Variants in CDC42BPA observed in about 807,000 individuals in gnomAD.
CDC42BPA encodes CDC42 binding protein kinase alpha, also known as serine/threonine-protein kinase MRCK alpha.
In CDC42BPA, 80 loss-of-function variants were observed where a neutral mutation model predicts 223.5. That is an observed-to-expected ratio of 0.36 (90% CI 0.30 to 0.43). The LOEUF (loss-of-function observed/expected upper bound fraction) is 0.43. CDC42BPA is among the 20% of genes least tolerant of loss of function. CDC42BPA has a pLI of 1.00. For missense variants in CDC42BPA, 1,743 were observed against 2,099.9 expected (o/e 0.83, Z 3.32); for synonymous variants, 694 against 718.6 (o/e 0.97, Z 0.55).
chr1:227,167,135 A>G (rs1185315673), intron 5 of CDC42BPA, among the ~76,000 whole-genome samples: 1 of 152,198 alleles, frequency 6.6e-6, no homozygotes, highest in African/African-American at 2.4e-5. Context: ...GGCCTCCTAG[A>G]AAATGTTTTG....
chr1:227,096,896 C>T (rs1412185080), intron 15 of CDC42BPA, among the ~76,000 whole-genome samples: 1 of 152,114 alleles, frequency 6.6e-6, no homozygotes, highest in Non-Finnish European at 1.5e-5. Flanking sequence ...CTGACATCTC[C>T]ACAAAGATGT....
In CDC42BPA at chr1:227,204,309, T is replaced by A. The variant is rs139949288; in HGVS notation, c.355-4657A>T. The stretch of plus-strand genomic sequence containing the variant: ...TTTAACTTATTTTTCAGTAAAAAGT[T>A]TTAAATGTAATTTTAAATATAGAAA... On this transcript the variant is annotated intron_variant, in intron 3 of 36. Transcript: ENST00000366766. Among the ~76,000 whole-genome samples the A allele has an allele frequency of 4.7e-3, 712 of 152,302 alleles. 17 individuals are homozygous for A. Among genetic ancestry groups the A allele is most frequent in the Admixed American group, 0.037 (566 of 15,280 alleles).
intron 25 of CDC42BPA, 134 bp from the exon 26 acceptor site, chr1:227,034,928 A>AATT: frequency 1.5e-6 from 1 of 688,922 alleles, no homozygotes; most frequent in Non-Finnish European, 2.3e-6. Context: ...CTGGTTGGTA[A>AATT]AGTAGCAGAT....
At chr1:227,196,486 C>A (rs1240680969) in intron 4 of CDC42BPA, among the ~76,000 whole-genome samples, 1 of 151,608 alleles carries the variant, frequency 6.6e-6, no homozygotes, top group Admixed American at 6.6e-5. Flanking sequence ...ACTACAGGCG[C>A]CCACCACCAC....
chr1:227,228,656 T>A (rs1272474102), intron 2 of CDC42BPA, among the ~76,000 whole-genome samples: 1 of 145,840 alleles, frequency 6.9e-6, no homozygotes, highest in Non-Finnish European at 1.5e-5. Context: ...CAGCAATGCA[T>A]AAGCTTTCCA....
At chr1:227,032,242 T>C (rs1669420533) in intron 27 of CDC42BPA, among the ~76,000 whole-genome samples, 1 of 152,218 alleles carries the variant, frequency 6.6e-6, no homozygotes, top group South Asian at 2.1e-4. Context: ...CCTTATTAAG[T>C]AGCAGTGACA....
chr1:227,153,976 C>A (rs1049643542), intron 6 of CDC42BPA, among the ~76,000 whole-genome samples: 1 of 151,806 alleles, frequency 6.6e-6, no homozygotes, highest in Non-Finnish European at 1.5e-5. Flanking sequence ...AAATTATACT[C>A]CAGTCTGAGA....
rs1041832410 is a variant in CDC42BPA at position 227,096,736 on chromosome 1, C to T, written c.2249+4256G>A. On this transcript the variant is annotated intron_variant, in intron 15 of 36. Transcript: ENST00000366766. ...TCCATCCTTCCTGTAAATATCAATG[C>T]TCCTCAGTATTCTGTCTTAGGTGCT... 3.9e-5 allele frequency among the ~76,000 whole-genome samples: 6 copies of T among 152,324 alleles called. No homozygotes were observed. In the East Asian group the frequency reaches 5.8e-4, roughly 15 times the overall value.
rs1694655705 is a variant in CDC42BPA at position 227,317,907 on chromosome 1, T to C, written c.-725A>G. The C allele has an allele frequency of 2.5e-6, 1 of 398,496 alleles. No homozygotes were observed. The highest frequency in any genetic ancestry group is 4.4e-6 in the Non-Finnish European group (1 of 226,048). The allele number at this position is 398,496 out of a possible 1,614,324, so 24.7% of individuals were successfully genotyped here. A position where few individuals can be genotyped will look rare whatever the true frequency, so the allele number is the denominator to read the frequency against. ...CAGTCCTATTTTCAACGGATTCCGGTGAAAACTCTTCATTTTCCTCCCGGC... is the reference window on the plus strand; with the variant it reads ...CAGTCCTATTTTCAACGGATTCCGGCGAAAACTCTTCATTTTCCTCCCGGC... On this transcript the variant is annotated 5_prime_UTR_variant, in exon 1 of 37. Coordinates refer to ENST00000366766, the MANE Select transcript of CDC42BPA (RefSeq NM_001394014.1).
At chr1:227,102,346 T>A (rs981560904) in intron 14 of CDC42BPA, among the ~76,000 whole-genome samples, 9 of 152,102 alleles carry the variant, frequency 5.9e-5, no homozygotes, top group African/African-American at 2.2e-4. Flanking sequence ...GTCCAATGGT[T>A]TATGAGGCAG....
chr1:227,100,976 A>C lies in CDC42BPA; in HGVS notation c.2249+16T>G. On this transcript the variant is annotated intron_variant, in intron 15 of 36. Transcript: ENST00000366766. ...TCAGTAAGTATTTACTGTATAGTAA[A>C]TAATGTGATTCTTACCTTTCTCTTC... is the stretch of plus-strand genomic sequence containing the variant. 1.4e-6 allele frequency: 2 copies of C among 1,404,116 alleles called. No homozygotes were observed. The highest frequency in any genetic ancestry group is 2.0e-6 in the Non-Finnish European group (2 of 1,002,794). The allele number at this position is 1,404,116 out of a possible 1,614,324, so 87.0% of individuals were successfully genotyped here. A position where few individuals can be genotyped will look rare whatever the true frequency, so the allele number is the denominator to read the frequency against.
chr1:227,015,733 C>T (rs377286777), intron 34 of CDC42BPA, among the ~76,000 whole-genome samples: 20 of 152,048 alleles, frequency 1.3e-4, no homozygotes, highest in Middle Eastern at 3.4e-3. Flanking sequence ...TTTGCTAACA[C>T]GTAGTGAAAT....
Position 227,023,281 on chromosome 1 carries a change from A to G in CDC42BPA, c.4597T>C (p.Phe1533Leu). ...TTCTTACCTGCCATCTTATTTTTGA[A>G]ATATATTAATCTAATGGTCTCCAAC... The part of the protein sequence containing the change: ...LGLETIRLIY[F>L]KNKMAEGDEL... The change falls in exon 32 of 37, where the codon TTC becomes CTC. Residue 1533 changes from phenylalanine (F) to leucine (L), a missense_variant. Transcript: ENST00000366766. 6.8e-7 allele frequency: 1 copy of G among 1,466,980 alleles called. No individual in the cohort carries two copies. Among genetic ancestry groups the G allele is most frequent in the Non-Finnish European group, 9.5e-7 (1 of 1,056,288 alleles). 90.9% of individuals were successfully genotyped at this position (1,466,980 alleles called of 1,614,324 possible).
At chr1:227,063,131 T>G (rs1676279586) in intron 21 of CDC42BPA, among the ~76,000 whole-genome samples, 1 of 152,148 alleles carries the variant, frequency 6.6e-6, no homozygotes, top group Non-Finnish European at 1.5e-5. Flanking sequence ...TATTTTTATG[T>G]TTTCAACAGA....
intron 1 of CDC42BPA, among the ~76,000 whole-genome samples, chr1:227,267,790 A>C: frequency 6.6e-6 from 1 of 152,170 alleles, no homozygotes; most frequent in East Asian, 1.9e-4. Flanking sequence ...CTCCCTCACT[A>C]TCACAAAACA....
In CDC42BPA at chr1:227,047,956, A is replaced by G. The variant is rs750891069; in HGVS notation, c.3064T>C (p.Cys1022Arg). ...VHTPTLRKKG[C>R]PGSTGFPPKR... ...GGTGGAAAGCCAGTTGAACCAGGAC[A>G]TCCTTTTTTCCTTAAGGTTGGTGTG... Residue 1022 changes from cysteine to arginine, a missense_variant, in exon 23 of 37, where the codon TGT becomes CGT. Physicochemically the swap from Cys to Arg is radical, Grantham distance 180. Coordinates refer to ENST00000366766, the MANE Select transcript of CDC42BPA (RefSeq NM_001394014.1). 1 of 1,611,298 alleles carries G rather than the reference A, an allele frequency of 6.2e-7. No individual in the cohort carries two copies. Among genetic ancestry groups the G allele is most frequent in the South Asian group, 1.1e-5 (1 of 90,944 alleles).
intron 1 of CDC42BPA, among the ~76,000 whole-genome samples, chr1:227,254,797 T>C (rs185960376): frequency 1.3e-5 from 2 of 152,352 alleles, no homozygotes; most frequent in East Asian, 1.9e-4. Context: ...ACACTAATTA[T>C]GTGGATACTA....
At chr1:227,246,637 T>A (rs939846954) in intron 2 of CDC42BPA, among the ~76,000 whole-genome samples, 1 of 152,136 alleles carries the variant, frequency 6.6e-6, no homozygotes, top group African/African-American at 2.4e-5. Context: ...ACAATACCTA[T>A]ATAAGACTGC....
intron 34 of CDC42BPA, chr1:227,011,067 T>A: frequency 7.6e-7 from 1 of 1,316,816 alleles, no homozygotes; most frequent in Non-Finnish European, 1.0e-6. Context: ...AACCTGGCTA[T>A]CAAAAACAAA....
Sources: gnomAD v4.1 joint callset for allele counts (sites outside exome capture counted in the v4.1 genomes callset) on GRCh38, gnomAD v4.1.1 for gene constraint, MANE v1.5 for transcripts, NCBI Gene and HGNC (gene_info 2026-07-23, HGNC 2026-07-21) for gene names.